Variants in GABRA3 observed in about 807,000 individuals in gnomAD.
The protein encoded by GABRA3 is gamma-aminobutyric acid type A receptor subunit alpha3.
GABRA3 carries 10 observed loss-of-function variants against 30.1 expected under a neutral mutation model. That is an observed-to-expected ratio of 0.33 (90% CI 0.20 to 0.56). The LOEUF (loss-of-function observed/expected upper bound fraction) is 0.56. GABRA3 is among the 20% of genes least tolerant of loss of function. The probability of loss-of-function intolerance (pLI) is 0.89; values close to 1 mark genes in which losing one functional copy is unlikely to be tolerated. For synonymous variants in GABRA3, 151 were observed against 146.8 expected (o/e 1.03, Z -0.21); for missense variants, 233 against 392.0 (o/e 0.59, Z 3.42).
intron 4 of GABRA3, among the ~76,000 whole-genome samples, chrX:152,273,484 C>T (rs1938985327): frequency 1.8e-5 from 2 of 112,338 alleles, no homozygotes; most frequent in African/African-American, 6.5e-5. Context: ...AGCTACCTGT[C>T]CTCCCATGTT....
chrX:152,430,915 A>C (rs1316532105), intron 1 of GABRA3, among the ~76,000 whole-genome samples: 1 of 110,372 alleles, frequency 9.1e-6, no homozygotes, highest in Non-Finnish European at 1.9e-5. Flanking sequence ...AGGGACAACG[A>C]GCTAGTGTGA....
At chrX:152,283,710 TTG>T (rs1303752384) in intron 4 of GABRA3, among the ~76,000 whole-genome samples, 1 of 112,086 alleles carries the variant, frequency 8.9e-6, no homozygotes, top group East Asian at 2.8e-4. Flanking sequence ...ACACAACTGT[TTG>T]TGTTAGTCCA....
intron 5 of GABRA3, among the ~76,000 whole-genome samples, chrX:152,249,148 C>A (rs772449309): frequency 2.7e-5 from 3 of 110,655 alleles, no homozygotes; most frequent in African/African-American, 9.8e-5. Context: ...CTTTGTTCTA[C>A]GGAAATGTTA....
intron 1 of GABRA3, among the ~76,000 whole-genome samples, chrX:152,373,191 G>A (rs1928891613): frequency 9.0e-6 from 1 of 111,400 alleles, no homozygotes; most frequent in South Asian, 3.8e-4. Context: ...TGTTACATAG[G>A]TAAACATGTG....
At chrX:152,183,236 A>T (rs1937209420) in intron 9 of GABRA3, among the ~76,000 whole-genome samples, 1 of 110,073 alleles carries the variant, frequency 9.1e-6, no homozygotes, top group South Asian at 3.8e-4. Flanking sequence ...TCAGCTCCTT[A>T]TTCATTATTG....
chrX:152,430,716 C>T (rs1286317962), intron 1 of GABRA3, among the ~76,000 whole-genome samples: 1 of 111,815 alleles, frequency 8.9e-6, no homozygotes, highest in Non-Finnish European at 1.9e-5. Context: ...TAAATCATTA[C>T]AGTGTAAAAT....
chrX:152,433,917 G>A (rs1930712101), intron 1 of GABRA3, among the ~76,000 whole-genome samples: 1 of 111,810 alleles, frequency 8.9e-6, no homozygotes, highest in South Asian at 3.7e-4. Context: ...ATTTAATAAT[G>A]TAGATGAAAC....
At chrX:152,285,299 A>G (rs949473997) in intron 3 of GABRA3, among the ~76,000 whole-genome samples, 12 of 112,289 alleles carry the variant, frequency 1.1e-4, no homozygotes, top group Non-Finnish European at 2.3e-4. Context: ...GAGCTAATAT[A>G]TGGAGGAGCA....
intron 1 of GABRA3, among the ~76,000 whole-genome samples, chrX:152,420,915 C>T (rs962920552): frequency 8.2e-5 from 9 of 110,341 alleles, no homozygotes; most frequent in Admixed American, 3.9e-4. Flanking sequence ...TGGATCCTGT[C>T]GCCCTGTGAA....
intron 3 of GABRA3, among the ~76,000 whole-genome samples, chrX:152,337,805 C>A (rs754735384): frequency 6.3e-5 from 7 of 111,993 alleles, no homozygotes; most frequent in Non-Finnish European, 1.3e-4. Context: ...GGCAACAGAG[C>A]AAGACCCTGC....
rs775745806 is a variant in GABRA3, at chrX:152,246,754, CT to C, written c.551+9023del. Among the ~76,000 whole-genome samples the C allele has an allele frequency of 1.4e-3, 154 of 111,358 alleles. 1 individual carries two copies. Among genetic ancestry groups the C allele is most frequent in the Non-Finnish European group, 2.2e-3 (117 of 52,975 alleles). ...CTCCATCTCTTCTATGCTCTTACTT[CT>C]GTTCATTAGAGTGAGATTCACTAAG... On this transcript the variant is annotated intron_variant, in intron 5 of 9. Transcript: ENST00000370314.
intron 3 of GABRA3, among the ~76,000 whole-genome samples, chrX:152,320,684 G>A (rs1939949205): frequency 9.0e-6 from 1 of 111,326 alleles, no homozygotes; most frequent in African/African-American, 3.3e-5. Context: ...ACTTACTCAT[G>A]TAACAAAATA....
At chrX:152,370,872 C>T (rs1428601549) in intron 1 of GABRA3, among the ~76,000 whole-genome samples, 3 of 111,213 alleles carry the variant, frequency 2.7e-5, no homozygotes, top group Non-Finnish European at 3.8e-5. Context: ...CCCCACTCCA[C>T]GGATTTCTAA....
intron 1 of GABRA3, among the ~76,000 whole-genome samples, chrX:152,397,660 G>A (rs938973237): frequency 9.0e-6 from 1 of 111,446 alleles, no homozygotes; most frequent in Non-Finnish European, 1.9e-5. Flanking sequence ...ACTTTGCCTC[G>A]ACCATTAACC....
At chrX:152,225,432 G>GCGCGCA (rs35196156) in intron 5 of GABRA3, among the ~76,000 whole-genome samples, 1 of 96,491 alleles carries the variant, frequency 1.0e-5, no homozygotes, top group African/African-American at 3.8e-5. Context: ...ACACACACAC[G>GCGCGCA]CACACACACA....
chrX:152,263,027 GGA>G (rs949826363), intron 4 of GABRA3, among the ~76,000 whole-genome samples: 5 of 111,470 alleles, frequency 4.5e-5, no homozygotes, highest in Admixed American at 9.6e-5. Flanking sequence ...CATGGCGGCA[GGA>G]GAGAGAAGTG....
intron 3 of GABRA3, among the ~76,000 whole-genome samples, chrX:152,333,925 G>T (rs1940197604): frequency 9.0e-6 from 1 of 111,134 alleles, no homozygotes; most frequent in African/African-American, 3.3e-5. Context: ...CTAGAAATTT[G>T]AAAGGCCATG....
rs1039037756 is a variant in GABRA3, at chrX:152,370,550, C to T, written c.-26-5954G>A. ...TGGGCAGGTTATTTGACTCAATATT[C>T]TAATCCAAATAATGGATTAATTAAT... is the stretch of plus-strand genomic sequence containing the variant. On this transcript the variant is annotated intron_variant, in intron 1 of 9. Transcript: ENST00000370314. 8.0e-5 allele frequency among the ~76,000 whole-genome samples: 9 copies of T among 112,214 alleles called. No individual in the cohort carries two copies. The East Asian group carries it at 2.5e-3, about 32-fold the overall frequency.
At position 152,443,598 on chromosome X, in the gene GABRA3, A is replaced by G. The variant is rs145387441; in HGVS notation, c.-27+7548T>C. ...AAAAATCCCCGGGCTTGAGGGACTT[A>G]CACCCTAAAACAGGAATCCAAACAA... On this transcript the variant is annotated intron_variant, in intron 1 of 9. Coordinates refer to ENST00000370314, the MANE Select transcript of GABRA3 (RefSeq NM_000808.4). Among the ~76,000 whole-genome samples, 134 of 111,835 alleles carry G rather than the reference A, an allele frequency of 1.2e-3. 3 individuals carry two copies. In the East Asian group the frequency reaches 0.036, roughly 30 times the overall value.
Sources: allele counts gnomAD v4.1 joint callset (sites outside exome capture counted in the v4.1 genomes callset), GRCh38; gene constraint gnomAD v4.1.1; transcripts MANE v1.5; gene names NCBI Gene and HGNC (gene_info 2026-07-23, HGNC 2026-07-21).